Variants in CFAP36 observed in about 807,000 individuals in gnomAD.
The protein encoded by CFAP36 is cilia and flagella associated protein 36, also known as cilia- and flagella-associated protein 36.
A neutral mutation model predicts 50.5 loss-of-function variants in CFAP36; 37 were observed. That is an observed-to-expected ratio of 0.73 (90% CI 0.56 to 0.96). CFAP36 has a LOEUF of 0.96. CFAP36 is among the 50% of genes least tolerant of loss of function. The pLI is 0.00. For synonymous variants in CFAP36, 138 were observed against 128.2 expected (o/e 1.08, Z -0.52); for missense variants, 407 against 396.2 (o/e 1.03, Z -0.23).
At chr2:55,539,435 T>C (rs1684577494) in intron 7 of CFAP36, 1 of 152,250 alleles carries the variant, frequency 6.6e-6, no homozygotes. Flanking sequence ...TCTCCATGTC[T>C]TGTCATGGCT....
rs1684028973 is a variant in CFAP36, at chr2:55,520,342, C to G, written c.115+426C>G. 2.8e-6 allele frequency: 4 copies of G among 1,404,226 alleles called. No homozygotes were observed. The East Asian group carries it at 1.0e-4, about 36-fold the overall frequency. 87.0% of individuals were successfully genotyped at this position (1,404,226 alleles called of 1,614,324 possible). ...GGTTTACCTGAGTTCCTTATGATCC[C>G]TAGCATTTCGCCCGGTGTAGTCAGC... On this transcript the variant is annotated intron_variant, in intron 1 of 9. Coordinates refer to ENST00000349456, the MANE Select transcript of CFAP36 (RefSeq NM_080667.7).
chr2:55,541,754 G>A (rs1029407575), intron 7 of CFAP36, among the ~76,000 whole-genome samples: 1 of 152,160 alleles, frequency 6.6e-6, no homozygotes, highest in African/African-American at 2.4e-5. Flanking sequence ...TCAGAAAGGT[G>A]AGAGAGGGGA....
At chr2:55,529,324 A>C (rs180994389) in intron 4 of CFAP36, among the ~76,000 whole-genome samples, 5,068 of 151,974 alleles carry the variant, frequency 0.033, 133 homozygotes, top group Non-Finnish European at 0.048. Context: ...TGGGAGGCTG[A>C]GGCAGGAGAA....
At chr2:55,530,316 A>G (rs1684322795) in intron 4 of CFAP36, among the ~76,000 whole-genome samples, 1 of 152,150 alleles carries the variant, frequency 6.6e-6, no homozygotes, top group African/African-American at 2.4e-5. Context: ...TGGAAATGTA[A>G]GTCCGATTAA....
chr2:55,519,774 A>T lies in CFAP36; in HGVS notation c.-28A>T, dbSNP rs372788631. On this transcript the variant is annotated 5_prime_UTR_variant, in exon 1 of 10. Coordinates refer to ENST00000349456, the MANE Select transcript of CFAP36 (RefSeq NM_080667.7). ...CGGGGTCCGGCGGTCTGGCCTAGGG[A>T]TCTTCCCCGTTGCCCCTTTGGGGCG... The T allele has an allele frequency of 1.7e-5, 28 of 1,611,930 alleles. No homozygotes were observed. Among genetic ancestry groups the T allele is most frequent in the Non-Finnish European group, 2.4e-5 (28 of 1,178,174 alleles).
chr2:55,529,022 C>T, intron 4 of CFAP36, 30 bp downstream of exon 4: 1 of 1,464,900 alleles, frequency 6.8e-7, no homozygotes, highest in Non-Finnish European at 9.5e-7. Context: ...AATCTAAGTA[C>T]TAAATGCATT....
At chr2:55,539,040 C>T (rs746251570) in intron 7 of CFAP36, 4 of 701,010 alleles carry the variant, frequency 5.7e-6, no homozygotes, top group Non-Finnish European at 2.0e-6. Flanking sequence ...TGCCCTAGTA[C>T]ATGCCTAGCC....
intron 4 of CFAP36, among the ~76,000 whole-genome samples, chr2:55,529,581 CTGTTGAGAGG>C (rs1684301538): frequency 6.6e-6 from 1 of 151,092 alleles, no homozygotes; most frequent in Non-Finnish European, 1.5e-5. Flanking sequence ...GTTGTGGTTA[CTGTTGAGAGG>C]TGTCCATCCT....
At chr2:55,520,006 C>A in intron 1 of CFAP36, 90 bp downstream of exon 1, 3 of 1,160,502 alleles carry the variant, frequency 2.6e-6, no homozygotes, top group Non-Finnish European at 3.8e-6. Flanking sequence ...CATCTCTCGT[C>A]TCCCCGACCC....
intron 5 of CFAP36, 102 bp from the exon 6 acceptor site, chr2:55,535,610 G>T (rs1684460189): frequency 1.2e-6 from 1 of 849,098 alleles, no homozygotes; most frequent in African/African-American, 1.8e-5. Context: ...TGTCTAATGT[G>T]CCTTTTATTG....
At chr2:55,522,062 T>C in intron 1 of CFAP36, 40 bp from the exon 2 acceptor site, 1 of 1,027,410 alleles carries the variant, frequency 9.7e-7, no homozygotes, top group Non-Finnish European at 1.5e-6. Context: ...AATAAAATGA[T>C]TTGGTTTTTA....
At chr2:55,524,816 T>C (rs1684161636) in intron 3 of CFAP36, among the ~76,000 whole-genome samples, 6 of 151,884 alleles carry the variant, frequency 4.0e-5, no homozygotes, top group Non-Finnish European at 1.5e-5. Context: ...ACCCCGTCTC[T>C]ACTAAACATA....
Position 55,522,165 on chromosome 2 carries a change from TAGTG to T in CFAP36, c.180+3_180+6del. ...GAGATTCATCAGGAATACAAAGAAC[TAGTG>T]AGTATTTTTTTTCACTGATTTTTAA... is the stretch of plus-strand genomic sequence containing the variant. On this transcript the variant is annotated splice_donor_variant and splice_donor_region_variant and coding_sequence_variant and intron_variant, in exon 2 of 10. Coordinates refer to ENST00000349456, the MANE Select transcript of CFAP36 (RefSeq NM_080667.7). LOFTEE classifies it high-confidence loss of function. The T allele has an allele frequency of 1.3e-6, 2 of 1,497,934 alleles. No homozygotes were observed. The highest frequency in any genetic ancestry group is 1.4e-5 in the African/African-American group (1 of 71,630). The allele number at this position is 1,497,934 out of a possible 1,614,324, so 92.8% of individuals were successfully genotyped here.
At chr2:55,528,506 G>T (rs1558908912) in intron 3 of CFAP36, among the ~76,000 whole-genome samples, 1 of 151,868 alleles carries the variant, frequency 6.6e-6, no homozygotes, top group East Asian at 1.9e-4. Flanking sequence ...TGATTCTCCG[G>T]TCTCAGCCTC....
intron 3 of CFAP36, 37 bp downstream of exon 3, chr2:55,523,859 T>A: frequency 7.5e-7 from 1 of 1,335,002 alleles, no homozygotes; most frequent in Non-Finnish European, 1.1e-6. Flanking sequence ...CATACAGTTT[T>A]AACAAATGCC....
At chr2:55,526,693 T>C (rs1003368470) in intron 3 of CFAP36, among the ~76,000 whole-genome samples, 1 of 152,048 alleles carries the variant, frequency 6.6e-6, no homozygotes, top group Non-Finnish European at 1.5e-5. Flanking sequence ...TCCTCCTGCC[T>C]CACCCTCCCA....
At chr2:55,532,708 T>C (rs1367587850) in intron 4 of CFAP36, among the ~76,000 whole-genome samples, 1 of 152,232 alleles carries the variant, frequency 6.6e-6, no homozygotes, top group Non-Finnish European at 1.5e-5. Context: ...AAAAAATGTA[T>C]ATAAACATCA....
chr2:55,544,069 A>G lies in CFAP36; in HGVS notation c.772A>G (p.Ile258Val). 1 of 1,613,794 alleles carries G rather than the reference A, an allele frequency of 6.2e-7. No individual in the cohort carries two copies. The highest frequency in any genetic ancestry group is 8.5e-7 in the Non-Finnish European group (1 of 1,179,898). ...AGAGCATGCGAGCATTGAAGGACCA[A>G]TAGCAGTAAGTAAACGACATCACTT... The part of the protein sequence containing the change: ...GLEHASIEGP[I>V]ANLSVLGTEE... Residue 258 changes from isoleucine to valine, a missense_variant, in exon 8 of 10, where the codon ATA (isoleucine) becomes GTA (valine). By Grantham distance (29) the Ile-to-Val change is conservative. Coordinates refer to ENST00000349456, the MANE Select transcript of CFAP36 (RefSeq NM_080667.7).
chr2:55,544,360 G>T lies in CFAP36; in HGVS notation c.918G>T (p.Gly306=). Residue 306 remains glycine, a synonymous_variant, in exon 9 of 10, where the codon GGG becomes GGT. Coordinates refer to ENST00000349456, the MANE Select transcript of CFAP36 (RefSeq NM_080667.7). ...TGGAGCAGAAAGGAAAACCCACTGG[G>T]GAGGTAGAGGTATGGCTAGCCTTAA... The part of the protein sequence containing the change: ...QNMEQKGKPT[G]EVEEMTEKPE... 1 of 1,611,148 alleles carries T rather than the reference G, an allele frequency of 6.2e-7. No homozygotes were observed. The highest frequency in any genetic ancestry group is 8.5e-7 in the Non-Finnish European group (1 of 1,179,208).
Sources: allele counts gnomAD v4.1 joint callset (sites outside exome capture counted in the v4.1 genomes callset), GRCh38; gene constraint gnomAD v4.1.1; transcripts MANE v1.5; gene names NCBI Gene and HGNC (gene_info 2026-07-23, HGNC 2026-07-21).